KCNC2: variants seen among roughly 807,000 people sequenced by gnomAD.
KCNC2 encodes voltage-gated potassium channel KCNC2.
A neutral mutation model predicts 44.5 loss-of-function variants in KCNC2; 21 were observed. The ratio of observed to expected loss-of-function variants is 0.47; its 90% CI spans 0.33 to 0.68. The LOEUF (loss-of-function observed/expected upper bound fraction) is 0.68. Among genes scored for constraint, KCNC2 ranks in the 30% least tolerant of loss-of-function variants. The pLI, the probability that KCNC2 is intolerant of heterozygous loss-of-function variation, is 0.01. For missense variants in KCNC2, 589 were observed against 826.2 expected (o/e 0.71, Z 3.52); for synonymous variants, 391 against 339.1 (o/e 1.15, Z -1.68).
chr12:75,046,549 G>T (rs1880537157), intron 4 of KCNC2, among the ~76,000 whole-genome samples: 1 of 151,650 alleles, frequency 6.6e-6, no homozygotes, highest in Non-Finnish European at 1.5e-5. Flanking sequence ...TGCATATAGT[G>T]ATTTAAGATA....
At chr12:75,179,794 T>TTTATAAAAACTATAAAA (rs1278555489) in intron 2 of KCNC2, among the ~76,000 whole-genome samples, 4 of 151,156 alleles carry the variant, frequency 2.6e-5, no homozygotes, top group East Asian at 1.9e-4. Context: ...TTTTATATCT[T>TTTATAAAAACTATAAAA]GGAAATAATA....
chr12:75,050,336 G>A, intron 3 of KCNC2, 54 bp downstream of exon 3: 2 of 1,267,984 alleles, frequency 1.6e-6, no homozygotes, highest in Non-Finnish European at 2.2e-6. Flanking sequence ...TCTGCCTAAG[G>A]AACATACTGG....
In KCNC2 at chr12:75,042,038, C is replaced by T. The variant is rs1879963511; in HGVS notation, c.*1067G>A. On this transcript the variant is annotated 3_prime_UTR_variant, in exon 5 of 5. Transcript: ENST00000549446. The stretch of plus-strand genomic sequence containing the variant: ...CCTGAAAATCTGATTAATCTTTTGA[C>T]TCAGGAATTTAAGGCTAGTCAAAAA... The T allele has an allele frequency of 2.6e-6, 3 of 1,139,286 alleles. No homozygotes were observed. The East Asian group carries it at 1.4e-4, about 54-fold the overall frequency. The allele number at this position is 1,139,286 out of a possible 1,614,324, so 70.6% of individuals were successfully genotyped here. A position where few individuals can be genotyped will look rare whatever the true frequency, so the allele number is the denominator to read the frequency against.
chr12:75,105,517 AG>A (rs1381695595), intron 2 of KCNC2, among the ~76,000 whole-genome samples: 2 of 152,196 alleles, frequency 1.3e-5, no homozygotes, highest in African/African-American at 4.8e-5. Context: ...AGGTGAAGGC[AG>A]GAGGCCCATT....
At chr12:75,086,613 C>T (rs1472865532) in intron 2 of KCNC2, among the ~76,000 whole-genome samples, 2 of 145,916 alleles carry the variant, frequency 1.4e-5, no homozygotes, top group African/African-American at 5.0e-5. Context: ...TTTTAGTTCA[C>T]CTTCAAGCCA....
At chr12:75,091,619 C>G (rs1413741321) in intron 2 of KCNC2, among the ~76,000 whole-genome samples, 1 of 151,614 alleles carries the variant, frequency 6.6e-6, no homozygotes, top group Non-Finnish European at 1.5e-5. Flanking sequence ...CTCTGCGATG[C>G]AAAATAGGTT....
At chr12:75,156,569 T>C (rs1890776359) in intron 2 of KCNC2, among the ~76,000 whole-genome samples, 1 of 151,864 alleles carries the variant, frequency 6.6e-6, no homozygotes, top group Non-Finnish European at 1.5e-5. Flanking sequence ...ATTTTTTTTC[T>C]AGCTATGTGA....
intron 2 of KCNC2, among the ~76,000 whole-genome samples, chr12:75,098,401 A>C (rs1886107133): frequency 6.6e-6 from 1 of 152,154 alleles, no homozygotes; most frequent in African/African-American, 2.4e-5. Flanking sequence ...CCTTTCAAAC[A>C]TTCTAAACCT....
chr12:75,071,568 C>A (rs1362320311), intron 2 of KCNC2, among the ~76,000 whole-genome samples: 2 of 152,024 alleles, frequency 1.3e-5, no homozygotes, highest in Non-Finnish European at 2.9e-5. Flanking sequence ...TGTACCCCAC[C>A]CAATAAAATT....
At chr12:75,202,035 T>C (rs2031323411) in intron 2 of KCNC2, among the ~76,000 whole-genome samples, 7 of 151,878 alleles carry the variant, frequency 4.6e-5, no homozygotes, top group Admixed American at 4.6e-4. Context: ...ATAGTAAAAA[T>C]TGATGGCAAT....
chr12:75,066,005 T>C (rs1258671876), intron 2 of KCNC2, among the ~76,000 whole-genome samples: 4 of 152,084 alleles, frequency 2.6e-5, no homozygotes, highest in Non-Finnish European at 2.9e-5. Context: ...CTATCAAAAC[T>C]TCATCTAGAG....
At chr12:75,103,293 C>T (rs1021999025) in intron 2 of KCNC2, among the ~76,000 whole-genome samples, 1 of 152,132 alleles carries the variant, frequency 6.6e-6, no homozygotes, top group Non-Finnish European at 1.5e-5. Context: ...GGGTTTACCC[C>T]CCTATTTGTT....
At chr12:75,151,517 C>T (rs1890391764) in intron 2 of KCNC2, among the ~76,000 whole-genome samples, 1 of 151,806 alleles carries the variant, frequency 6.6e-6, no homozygotes. Context: ...ATGAATAGCT[C>T]ACAGTCAAAT....
chr12:75,133,881 A>G (rs1889034352), intron 2 of KCNC2, among the ~76,000 whole-genome samples: 1 of 151,914 alleles, frequency 6.6e-6, no homozygotes, highest in Admixed American at 6.6e-5. Context: ...TCTTGCTTTA[A>G]ATAGAATAAC....
chr12:75,058,583 G>A (rs912097765), intron 2 of KCNC2, among the ~76,000 whole-genome samples: 1 of 152,054 alleles, frequency 6.6e-6, no homozygotes, highest in African/African-American at 2.4e-5. Flanking sequence ...CTGAAGAGAT[G>A]TTCTGATCCA....
intron 2 of KCNC2, among the ~76,000 whole-genome samples, chr12:75,176,807 T>C (rs2137615269): frequency 6.6e-6 from 1 of 151,966 alleles, no homozygotes; most frequent in South Asian, 2.1e-4. Context: ...TTTGAAACAG[T>C]AATCCAGGTC....
Position 75,204,535 on chromosome 12 carries a change from A to G in KCNC2, c.687+2762T>C, listed in dbSNP as rs74402682. ...AAAATTTTTTGTGTCAAATATTTCAATGAAAGATGAGCTAATGTTAAAAAA... is the reference window on the plus strand; with the variant it reads ...AAAATTTTTTGTGTCAAATATTTCAGTGAAAGATGAGCTAATGTTAAAAAA... On this transcript the variant is annotated intron_variant, in intron 2 of 4. Transcript: ENST00000549446. Among the ~76,000 whole-genome samples, 1,240 of 152,248 alleles carry G rather than the reference A, an allele frequency of 8.1e-3. 5 individuals carry two copies. Among genetic ancestry groups the G allele is most frequent in the African/African-American group, 0.018 (753 of 41,576 alleles).
intron 2 of KCNC2, among the ~76,000 whole-genome samples, chr12:75,147,964 T>G (rs1310796777): frequency 2.0e-5 from 3 of 152,128 alleles, no homozygotes; most frequent in Non-Finnish European, 4.4e-5. Flanking sequence ...ACTTAGGAGT[T>G]TGGACTTCAC....
At chr12:75,147,509 T>C (rs1890107090) in intron 2 of KCNC2, among the ~76,000 whole-genome samples, 1 of 152,092 alleles carries the variant, frequency 6.6e-6, no homozygotes, top group Admixed American at 6.6e-5. Context: ...AAGTGATAGG[T>C]TTTAAAAGAA....
Sources: allele counts gnomAD v4.1 joint callset (sites outside exome capture counted in the v4.1 genomes callset), GRCh38; gene constraint gnomAD v4.1.1; transcripts MANE v1.5; gene names NCBI Gene and HGNC (gene_info 2026-07-23, HGNC 2026-07-21).